Variants in ARID1B observed in about 807,000 individuals in gnomAD.
ARID1B encodes AT-rich interactive domain-containing protein 1B.
Under a neutral mutation model 212.3 loss-of-function variants are expected in ARID1B, and 30 were observed. That is an observed-to-expected ratio of 0.14 (90% CI 0.11 to 0.19). The LOEUF (loss-of-function observed/expected upper bound fraction) is 0.19. Among genes scored for constraint, ARID1B ranks in the 10% least tolerant of loss-of-function variants. The probability of loss-of-function intolerance (pLI) is 1.00; values close to 1 mark genes in which losing one functional copy is unlikely to be tolerated. For synonymous variants in ARID1B, 1,402 were observed against 1,301.7 expected (o/e 1.08, Z -1.66); for missense variants, 2,891 against 3,204.0 (o/e 0.90, Z 2.36).
chr6:156,963,662 T>G (rs1382394609), intron 4 of ARID1B, among the ~76,000 whole-genome samples: 1 of 152,228 alleles, frequency 6.6e-6, no homozygotes, highest in Non-Finnish European at 1.5e-5. Context: ...TGAAAATGGA[T>G]CAAATGCTAC....
chr6:156,927,731 C>T (rs567092924), intron 3 of ARID1B, among the ~76,000 whole-genome samples: 121 of 152,152 alleles, frequency 8.0e-4, no homozygotes, highest in South Asian at 1.5e-3. Context: ...ATGTGTTTGT[C>T]CTTATACATT....
At chr6:156,832,450 G>A (rs1276771319) in intron 2 of ARID1B, among the ~76,000 whole-genome samples, 1 of 152,214 alleles carries the variant, frequency 6.6e-6, no homozygotes, top group Non-Finnish European at 1.5e-5. Context: ...ACCTAGGCAT[G>A]ACTTTGCTTT....
rs548549051 is a variant in ARID1B, at chr6:156,823,778, A to G, written c.1792-5449A>G. On this transcript the variant is annotated intron_variant, in intron 1 of 19. Transcript: ENST00000636930. ...GTAGTAAAATATGATATGCATAAAG[A>G]TGTATCTAATAAACTGTGTTCTTAA... Among the ~76,000 whole-genome samples the G allele has an allele frequency of 6.0e-5, 9 of 151,192 alleles. No individual in the cohort carries two copies. In the South Asian group the frequency reaches 1.9e-3, roughly 32 times the overall value.
chr6:157,050,964 A>G (rs1211735671), intron 4 of ARID1B, among the ~76,000 whole-genome samples: 1 of 152,244 alleles, frequency 6.6e-6, no homozygotes, highest in Admixed American at 6.5e-5. Flanking sequence ...AAAGGCAGGA[A>G]ATGGAGATCT....
At chr6:156,878,004 C>G (rs1413798410) in intron 2 of ARID1B, among the ~76,000 whole-genome samples, 1 of 152,142 alleles carries the variant, frequency 6.6e-6, no homozygotes, top group Non-Finnish European at 1.5e-5. Context: ...GCGTGAACCA[C>G]CGCGTCTGGC....
At chr6:156,979,349 C>T (rs1777463251) in intron 4 of ARID1B, among the ~76,000 whole-genome samples, 1 of 152,178 alleles carries the variant, frequency 6.6e-6, no homozygotes, top group Admixed American at 6.5e-5. Flanking sequence ...GGTGAACTGA[C>T]TCAGCTTTAA....
chr6:156,819,813 C>T (rs750366205), intron 1 of ARID1B, among the ~76,000 whole-genome samples: 14 of 152,134 alleles, frequency 9.2e-5, no homozygotes, highest in South Asian at 2.1e-4. Context: ...AAGGACATGA[C>T]GTTGGAGCTG....
intron 4 of ARID1B, among the ~76,000 whole-genome samples, chr6:156,945,227 A>G (rs1356321245): frequency 8.3e-5 from 7 of 84,414 alleles, no homozygotes; most frequent in Admixed American, 3.4e-4. Context: ...GAGCCCCCGC[A>G]TCCGGCTTTT....
chr6:157,049,918 C>T (rs370121821), intron 4 of ARID1B, among the ~76,000 whole-genome samples: 1 of 152,166 alleles, frequency 6.6e-6, no homozygotes, highest in Non-Finnish European at 1.5e-5. Flanking sequence ...CTTCAGTCAT[C>T]TTAATGTGTT....
At chr6:157,127,263 G>C (rs974344176) in intron 6 of ARID1B, among the ~76,000 whole-genome samples, 3 of 152,214 alleles carry the variant, frequency 2.0e-5, no homozygotes, top group African/African-American at 7.2e-5. Flanking sequence ...TCACTGGCTA[G>C]AATCTGCACA....
At chr6:157,097,539 G>T (rs993850608) in intron 5 of ARID1B, among the ~76,000 whole-genome samples, 2 of 152,178 alleles carry the variant, frequency 1.3e-5, no homozygotes, top group Non-Finnish European at 2.9e-5. Context: ...GTGAGCATCC[G>T]CATGTGGCAC....
chr6:156,886,594 A>C (rs969585418), intron 2 of ARID1B, among the ~76,000 whole-genome samples: 2 of 152,048 alleles, frequency 1.3e-5, no homozygotes, highest in African/African-American at 4.8e-5. Context: ...CCGTTTAATG[A>C]CTGAGCCTCG....
rs1345203708 is a variant in ARID1B, at chr6:157,210,700, G to T, written c.*2809G>T. On this transcript the variant is annotated 3_prime_UTR_variant, in exon 20 of 20. Coordinates refer to ENST00000636930, the MANE Select transcript of ARID1B (RefSeq NM_001374828.1). Reference sequence around the variant, plus strand: ...TTTACAGGATGCCCAGACTTTACATGTGTACCAAAAAAAAAAAAAAGATAA... The same window carrying T: ...TTTACAGGATGCCCAGACTTTACATTTGTACCAAAAAAAAAAAAAAGATAA... 4 of 218,226 alleles carry T rather than the reference G, an allele frequency of 1.8e-5. No individual in the cohort carries two copies. The highest frequency in any genetic ancestry group is 2.6e-5 in the Non-Finnish European group (3 of 113,314). The allele number at this position is 218,226 out of a possible 1,614,324, so 13.5% of individuals were successfully genotyped here. A position where few individuals can be genotyped will look rare whatever the true frequency, so the allele number is the denominator to read the frequency against.
chr6:156,900,795 C>T (rs1175417941), intron 2 of ARID1B, among the ~76,000 whole-genome samples: 2 of 152,148 alleles, frequency 1.3e-5, no homozygotes, highest in Non-Finnish European at 2.9e-5. Context: ...CTGTAGTACA[C>T]CTTGCTTTAC....
intron 4 of ARID1B, among the ~76,000 whole-genome samples, chr6:156,995,203 C>A (rs868345237): frequency 3.3e-5 from 5 of 152,182 alleles, no homozygotes; most frequent in Admixed American, 3.3e-4. Flanking sequence ...CCTGAGGTGA[C>A]GTACGAATGA....
rs1792132686 is a variant in ARID1B, at chr6:156,935,569, G to A, written c.2240G>A (p.Ser747Asn). ...TTAATACAGCAAGAAAGACCATCAAGTTTACCAGTAAGACATTATTGTGCT... is the reference window on the plus strand; with the variant it reads ...TTAATACAGCAAGAAAGACCATCAAATTTACCAGTAAGACATTATTGTGCT... Reference protein sequence around the residue: ...LNLIQQERPSSLPDLSGSIDD... With the variant: ...LNLIQQERPSNLPDLSGSIDD... The change falls in exon 4 of 20, where the codon AGT (serine) becomes AAT (asparagine). Residue 747 changes from serine (S) to asparagine (N), a missense_variant. Coordinates refer to ENST00000636930, the MANE Select transcript of ARID1B (RefSeq NM_001374828.1). 6.2e-7 allele frequency: 1 copy of A among 1,606,028 alleles called. No individual in the cohort carries two copies.
At chr6:156,894,299 T>TGGGGGCCGGGGGGGTTGGGAG (rs1326684088) in intron 2 of ARID1B, among the ~76,000 whole-genome samples, 1 of 7,504 alleles carries the variant, frequency 1.3e-4, no homozygotes, top group African/African-American at 5.3e-4. Flanking sequence ...GGGGTTGGGA[T>TGGGGGCCGGGGGGGTTGGGAG]GGGGGCCGGG....
At chr6:156,906,546 CAAAAAAAAAAAAAAA>C (rs55660810) in intron 3 of ARID1B, among the ~76,000 whole-genome samples, 12 of 39,682 alleles carry the variant, frequency 3.0e-4, no homozygotes, top group South Asian at 1.8e-3. Context: ...ACTCCATCTC[CAAAAAAAAAAAAAAA>C]AAAAAAAAAA....
At chr6:157,056,678 T>C (rs1379718166) in intron 4 of ARID1B, among the ~76,000 whole-genome samples, 1 of 152,250 alleles carries the variant, frequency 6.6e-6, no homozygotes, top group African/African-American at 2.4e-5. Flanking sequence ...TGTGTCTGGT[T>C]AGTTTGATAG....
Sources: allele counts gnomAD v4.1 joint callset (sites outside exome capture counted in the v4.1 genomes callset), GRCh38; gene constraint gnomAD v4.1.1; transcripts MANE v1.5; gene names NCBI Gene and HGNC (gene_info 2026-07-23, HGNC 2026-07-21).